Variants in SGCZ observed in about 807,000 individuals in gnomAD.
SGCZ encodes the protein sarcoglycan zeta.
Under a neutral mutation model 41.3 loss-of-function variants are expected in SGCZ, and 40 were observed. The observed-to-expected ratio is 0.97, with a 90% CI of 0.75 to 1.26. SGCZ has a LOEUF of 1.26. SGCZ is among the 50% of genes most tolerant of loss of function. SGCZ has a pLI of 0.00. For synonymous variants in SGCZ, 206 were observed against 137.5 expected, an observed-to-expected ratio of 1.50 and a Z score of -3.49; for missense variants, 552 against 369.8, an observed-to-expected ratio of 1.49 and a Z score of -4.04.
At chr8:15,112,989 G>A (rs1355904428) in intron 1 of SGCZ, among the ~76,000 whole-genome samples, 2 of 151,988 alleles carry the variant, frequency 1.3e-5, no homozygotes, top group African/African-American at 4.8e-5. Context: ...CAGGTGGATC[G>A]CTTGGGCCCA....
At chr8:14,429,542 T>C (rs1799883837) in intron 2 of SGCZ, among the ~76,000 whole-genome samples, 2 of 152,114 alleles carry the variant, frequency 1.3e-5, no homozygotes, top group South Asian at 2.1e-4. Flanking sequence ...AGTTGAAGAG[T>C]AGCCCCCAAA....
At chr8:14,154,097 C>T (rs991214486) in intron 5 of SGCZ, among the ~76,000 whole-genome samples, 2 of 151,986 alleles carry the variant, frequency 1.3e-5, no homozygotes, top group African/African-American at 4.8e-5. Flanking sequence ...CTGGCCGGGC[C>T]CGGTGGCTCA....
In SGCZ at chr8:14,590,552, T is replaced by C. The variant is rs1000552885; in HGVS notation, c.40-35626A>G. ...TATTTAATCTATTATTTCTTCTTTC[T>C]ATATTATTGCTTATAATTCAAATAG... On this transcript the variant is annotated intron_variant, in intron 1 of 7. Coordinates refer to ENST00000382080, the MANE Select transcript of SGCZ (RefSeq NM_139167.4). Among the ~76,000 whole-genome samples, 11 of 151,062 alleles carry C rather than the reference T, an allele frequency of 7.3e-5. No individual in the cohort carries two copies. In the East Asian group the frequency reaches 2.1e-3, roughly 29 times the overall value.
At chr8:14,650,287 C>A (rs7017407) in intron 1 of SGCZ, among the ~76,000 whole-genome samples, 30,615 of 151,934 alleles carry the variant, frequency 0.2, 3,744 homozygotes, top group East Asian at 0.6. Flanking sequence ...TCTTTACAGG[C>A]TTCTCATCCT....
At chr8:15,009,670 G>T (rs908286408) in intron 1 of SGCZ, among the ~76,000 whole-genome samples, 1 of 152,056 alleles carries the variant, frequency 6.6e-6, no homozygotes, top group Non-Finnish European at 1.5e-5. Context: ...AGAAAGTTCT[G>T]GTTCTCGGAA....
chr8:14,466,446 G>C (rs1337957067), intron 2 of SGCZ, among the ~76,000 whole-genome samples: 1 of 151,912 alleles, frequency 6.6e-6, no homozygotes, highest in Non-Finnish European at 1.5e-5. Flanking sequence ...ATGTATTGAA[G>C]TGAGAGTCTT....
rs189660422 is a variant in SGCZ, at chr8:14,699,217, T to C, written c.40-144291A>G. Among the ~76,000 whole-genome samples the C allele has an allele frequency of 5.2e-3, 785 of 149,656 alleles. 6 individuals are homozygous for C. The highest frequency in any genetic ancestry group is 7.5e-3 in the Non-Finnish European group (503 of 67,394). On this transcript the variant is annotated intron_variant, in intron 1 of 7. Coordinates refer to ENST00000382080, the MANE Select transcript of SGCZ (RefSeq NM_139167.4). The stretch of plus-strand genomic sequence containing the variant: ...CACATATATAATTTGAATTTATATA[T>C]AATATATAAATCTCATATATATATG...
intron 2 of SGCZ, among the ~76,000 whole-genome samples, chr8:14,544,572 G>T (rs1803567401): frequency 6.6e-6 from 1 of 151,998 alleles, no homozygotes; most frequent in African/African-American, 2.4e-5. Context: ...CCTGGGGGAG[G>T]TCTATAAATG....
chr8:14,203,598 C>A (rs1805524974), intron 4 of SGCZ, among the ~76,000 whole-genome samples: 1 of 152,110 alleles, frequency 6.6e-6, no homozygotes, highest in Non-Finnish European at 1.5e-5. Flanking sequence ...CATCACAAGG[C>A]TGAGTCATTA....
chr8:14,549,521 T>TA (rs1803735642), intron 2 of SGCZ, among the ~76,000 whole-genome samples: 1 of 151,952 alleles, frequency 6.6e-6, no homozygotes, highest in Non-Finnish European at 1.5e-5. Context: ...TTTTAAAACT[T>TA]AAAAAAAGTC....
chr8:15,226,597 TTGG>T (rs1321385224), intron 1 of SGCZ, among the ~76,000 whole-genome samples: 2 of 151,980 alleles, frequency 1.3e-5, no homozygotes, highest in Non-Finnish European at 2.9e-5. Flanking sequence ...AGGCCCACCC[TTGG>T]TGTCCCAGTT....
intron 1 of SGCZ, among the ~76,000 whole-genome samples, chr8:15,165,061 G>T (rs982560569): frequency 6.6e-6 from 1 of 152,176 alleles, no homozygotes; most frequent in African/African-American, 2.4e-5. Context: ...GGAGGCCCAG[G>T]TGGGCAGATC....
At chr8:15,017,919 G>T (rs982894385) in intron 1 of SGCZ, among the ~76,000 whole-genome samples, 1 of 151,988 alleles carries the variant, frequency 6.6e-6, no homozygotes, top group African/African-American at 2.4e-5. Flanking sequence ...TTCTAAAGGA[G>T]CTCTCTCACA....
At chr8:15,005,897 T>G (rs1802594783) in intron 1 of SGCZ, among the ~76,000 whole-genome samples, 2 of 152,222 alleles carry the variant, frequency 1.3e-5, no homozygotes, top group African/African-American at 4.8e-5. Context: ...TGTGCTATTT[T>G]ATTTTAATTG....
rs796776456 is a variant in SGCZ at position 14,665,698 on chromosome 8, T to C, written c.40-110772A>G. Among the ~76,000 whole-genome samples the C allele has an allele frequency of 1.1e-4, 17 of 152,298 alleles. 1 individual carries two copies. Among genetic ancestry groups the C allele is most frequent in the African/African-American group, 4.1e-4 (17 of 41,574 alleles). ...AGCTTTTCATACCCCATTCATCATG[T>C]TTATAGAATTTAATACAACCAACCA... On this transcript the variant is annotated intron_variant, in intron 1 of 7. Transcript: ENST00000382080.
At chr8:15,032,407 A>C (rs1249304996) in intron 1 of SGCZ, among the ~76,000 whole-genome samples, 1 of 152,152 alleles carries the variant, frequency 6.6e-6, no homozygotes, top group Non-Finnish European at 1.5e-5. Context: ...TATCATCCAC[A>C]AAGGGGAAGG....
chr8:14,338,690 T>C (rs2117071372), intron 2 of SGCZ, among the ~76,000 whole-genome samples: 1 of 152,320 alleles, frequency 6.6e-6, no homozygotes, highest in African/African-American at 2.4e-5. Flanking sequence ...CCTCATACAT[T>C]ATTTAGTGTT....
intron 1 of SGCZ, among the ~76,000 whole-genome samples, chr8:15,125,440 G>T (rs17575063): frequency 1.3e-5 from 2 of 152,052 alleles, no homozygotes; most frequent in Non-Finnish European, 2.9e-5. Flanking sequence ...TACCATCAAA[G>T]GCCTAAATTA....
chr8:14,947,996 T>C (rs1344065718), intron 1 of SGCZ, among the ~76,000 whole-genome samples: 1 of 152,200 alleles, frequency 6.6e-6, no homozygotes, highest in African/African-American at 2.4e-5. Context: ...AAGGCATTTT[T>C]GCATTGTTTG....
Sources: gnomAD v4.1 joint callset for allele counts (sites outside exome capture counted in the v4.1 genomes callset) on GRCh38, gnomAD v4.1.1 for gene constraint, MANE v1.5 for transcripts, NCBI Gene and HGNC (gene_info 2026-07-23, HGNC 2026-07-21) for gene names.